The following MAGI1 variants were observed in gnomAD, a reference collection of about 807,000 sequenced individuals.
MAGI1 encodes the protein membrane-associated guanylate kinase, WW and PDZ domain-containing protein 1.
MAGI1 carries 58 observed loss-of-function variants against 139.9 expected under a neutral mutation model. The observed-to-expected ratio is 0.41, with a 90% CI of 0.34 to 0.52. The LOEUF (loss-of-function observed/expected upper bound fraction) is 0.52, where lower values mean the gene tolerates loss of function less well. Among genes scored for constraint, MAGI1 ranks in the 20% least tolerant of loss-of-function variants. The pLI is 0.12. For missense variants in MAGI1, 1,874 were observed against 1,901.6 expected, an observed-to-expected ratio of 0.99 and a Z score of 0.27; for synonymous variants, 812 against 737.9, an observed-to-expected ratio of 1.10 and a Z score of -1.63.
At chr3:65,439,349 C>A (rs1247286807) in intron 9 of MAGI1, among the ~76,000 whole-genome samples, 2 of 152,062 alleles carry the variant, frequency 1.3e-5, no homozygotes, top group Non-Finnish European at 2.9e-5. Context: ...GGGCTTATCT[C>A]TGAGAATGGG....
At chr3:66,021,890 T>G (rs554363870) in intron 1 of MAGI1, among the ~76,000 whole-genome samples, 1 of 152,236 alleles carries the variant, frequency 6.6e-6, no homozygotes, top group East Asian at 1.9e-4. Flanking sequence ...TTCACCCAAA[T>G]CCAATGTGTG....
chr3:65,927,144 C>G (rs112954774), intron 1 of MAGI1, among the ~76,000 whole-genome samples: 10,941 of 152,276 alleles, frequency 0.072, 536 homozygotes, highest in Middle Eastern at 0.11. Context: ...CAGGGCTGGT[C>G]TGCCTATGGA....
chr3:65,506,239 G>C (rs1440884948), intron 2 of MAGI1, among the ~76,000 whole-genome samples: 4 of 152,196 alleles, frequency 2.6e-5, no homozygotes, highest in East Asian at 1.9e-4. Flanking sequence ...TAATAATAAT[G>C]CATGCCTCAT....
chr3:65,375,349 C>T (rs534962527), intron 18 of MAGI1, among the ~76,000 whole-genome samples: 25 of 152,178 alleles, frequency 1.6e-4, no homozygotes, highest in South Asian at 1.0e-3. Flanking sequence ...CCACCGCGCC[C>T]GGCTAATTTT....
At chr3:65,675,055 T>A (rs144956570) in intron 1 of MAGI1, among the ~76,000 whole-genome samples, 227 of 152,166 alleles carry the variant, frequency 1.5e-3, no homozygotes, top group African/African-American at 5.3e-3. Context: ...GATAAAGGAA[T>A]CAGAAATTAG....
intron 1 of MAGI1, among the ~76,000 whole-genome samples, chr3:65,709,531 T>C (rs1256438136): frequency 1.3e-5 from 2 of 152,214 alleles, no homozygotes; most frequent in Non-Finnish European, 2.9e-5. Context: ...AGGAACATCA[T>C]GGGTGAGTTT....
intron 1 of MAGI1, among the ~76,000 whole-genome samples, chr3:65,764,905 C>T (rs2037341899): frequency 6.6e-6 from 1 of 152,146 alleles, no homozygotes; most frequent in Non-Finnish European, 1.5e-5. Flanking sequence ...TCACTTGGCT[C>T]ACAAAGTGAC....
intron 1 of MAGI1, among the ~76,000 whole-genome samples, chr3:65,696,701 T>C (rs915451636): frequency 3.3e-5 from 5 of 152,074 alleles, no homozygotes; most frequent in Non-Finnish European, 5.9e-5. Context: ...AAAATATACA[T>C]TTGGATTCTC....
At chr3:65,477,724 T>TA (rs1553650544) in intron 4 of MAGI1, among the ~76,000 whole-genome samples, 8 of 147,336 alleles carry the variant, frequency 5.4e-5, no homozygotes, top group Non-Finnish European at 1.2e-4. Context: ...TTTTTTTTTT[T>TA]ATTTATATTT....
chr3:65,719,287 G>A (rs1410204016), intron 1 of MAGI1, among the ~76,000 whole-genome samples: 1 of 140,902 alleles, frequency 7.1e-6, no homozygotes. Context: ...ACACATATAT[G>A]TGTGTGTGTG....
At chr3:65,987,842 T>G (rs1195549466) in intron 1 of MAGI1, among the ~76,000 whole-genome samples, 3 of 152,230 alleles carry the variant, frequency 2.0e-5, no homozygotes. Flanking sequence ...GTATTGAGAT[T>G]ACAGTCATGA....
chr3:65,593,091 G>C lies in MAGI1; in HGVS notation c.430+28881C>G, dbSNP rs2082038942. ...AAAGTAGTAAATTAAAAAGTCCCAA[G>C]CTAGAAAGGGATATAGCAAAAGCAT... is the stretch of plus-strand genomic sequence containing the variant. On this transcript the variant is annotated intron_variant, in intron 2 of 22. Coordinates refer to ENST00000402939, the MANE Select transcript of MAGI1 (RefSeq NM_001033057.2). Among the ~76,000 whole-genome samples the C allele has an allele frequency of 2.6e-5, 4 of 152,204 alleles. No individual in the cohort carries two copies. In the South Asian group the frequency reaches 8.3e-4, roughly 32 times the overall value.
At chr3:65,673,025 T>C (rs1184956178) in intron 1 of MAGI1, among the ~76,000 whole-genome samples, 7 of 152,128 alleles carry the variant, frequency 4.6e-5, no homozygotes, top group Admixed American at 2.6e-4. Flanking sequence ...AAAATATTTG[T>C]TCCCAACTCA....
At chr3:65,412,819 C>T (rs547490761) in intron 12 of MAGI1, among the ~76,000 whole-genome samples, 15 of 152,210 alleles carry the variant, frequency 9.9e-5, no homozygotes, top group Middle Eastern at 3.4e-3. Context: ...AACAAGGTTC[C>T]GCTGTGCCAC....
chr3:65,572,578 C>A (rs539915055), intron 2 of MAGI1, among the ~76,000 whole-genome samples: 3 of 152,058 alleles, frequency 2.0e-5, no homozygotes, highest in African/African-American at 7.2e-5. Flanking sequence ...AACACGGAGA[C>A]AGGACTCAGG....
At chr3:65,371,171 G>C (rs1438380429) in intron 18 of MAGI1, among the ~76,000 whole-genome samples, 1 of 152,152 alleles carries the variant, frequency 6.6e-6, no homozygotes, top group East Asian at 1.9e-4. Flanking sequence ...TTTTGGGTTA[G>C]TCTGTTTGAT....
chr3:65,708,369 G>A (rs1222235779), intron 1 of MAGI1, among the ~76,000 whole-genome samples: 1 of 147,482 alleles, frequency 6.8e-6, no homozygotes, highest in Non-Finnish European at 1.5e-5. Context: ...TTCTGTGCCT[G>A]AGGAAGAGAG....
intron 5 of MAGI1, among the ~76,000 whole-genome samples, chr3:65,456,792 G>C (rs1401337134): frequency 6.6e-6 from 1 of 152,098 alleles, no homozygotes; most frequent in Non-Finnish European, 1.5e-5. Flanking sequence ...CCCTCCATTG[G>C]AATGCTTTCA....
At chr3:65,813,888 G>C (rs1452134244) in intron 1 of MAGI1, among the ~76,000 whole-genome samples, 2 of 152,112 alleles carry the variant, frequency 1.3e-5, no homozygotes, top group African/African-American at 4.8e-5. Flanking sequence ...GAGTCTCTCG[G>C]ACATATCTAA....
Sources: gnomAD v4.1 joint callset for allele counts (sites outside exome capture counted in the v4.1 genomes callset) on GRCh38, gnomAD v4.1.1 for gene constraint, MANE v1.5 for transcripts, NCBI Gene and HGNC (gene_info 2026-07-23, HGNC 2026-07-21) for gene names.